The following NEXN variants were observed in gnomAD, a reference collection of about 807,000 sequenced individuals.
NEXN encodes the protein nexilin F-actin binding protein, also known as nexilin.
A neutral mutation model predicts 92.6 loss-of-function variants in NEXN; 65 were observed. The ratio of observed to expected loss-of-function variants is 0.70; its 90% confidence interval spans 0.57 to 0.86. NEXN has a LOEUF of 0.86. NEXN is among the 40% of genes least tolerant of loss of function. The probability of loss-of-function intolerance (pLI) is 0.00; values close to 1 mark genes in which losing one functional copy is unlikely to be tolerated. For synonymous variants in NEXN, 254 were observed against 242.5 expected, an observed-to-expected ratio of 1.05 and a Z score of -0.44; for missense variants, 778 against 771.1, an observed-to-expected ratio of 1.01 and a Z score of -0.11.
Position 77,942,572 on chromosome 1 carries a change from A to T in NEXN, c.1771A>T (p.Thr591Ser), listed in dbSNP as rs369019618. The stretch of plus-strand genomic sequence containing the variant: ...ATGGTTCAAGAAGCCTCTTAAAAAC[A>T]CATCAGTTGTAGACAGTGAGCCAGT... ...APWFKKPLKNTSVVDSEPVRF... is the reference protein window; with the variant it reads ...APWFKKPLKNSSVVDSEPVRF... The change falls in exon 13 of 13, where the codon ACA (threonine) becomes TCA (serine). Residue 591 changes from threonine to serine, a missense_variant. Around this residue, in one of 3 missense-constraint regions of NEXN, gnomAD observed 532 missense variants for 476.7 expected, o/e 1.12. Coordinates refer to ENST00000334785, the MANE Select transcript of NEXN (RefSeq NM_144573.4). The T allele has an allele frequency of 6.2e-7, 1 of 1,613,840 alleles. No individual in the cohort carries two copies. The highest frequency in any genetic ancestry group is 2.2e-5 in the East Asian group (1 of 44,864).
chr1:77,924,015 C>A (rs560931228), intron 5 of NEXN, among the ~76,000 whole-genome samples: 1 of 152,160 alleles, frequency 6.6e-6, no homozygotes, highest in East Asian at 1.9e-4. Context: ...CCTACTTAGA[C>A]CTCGTCAAAA....
intron 8 of NEXN, among the ~76,000 whole-genome samples, chr1:77,928,637 T>C (rs1650051575): frequency 6.6e-6 from 1 of 152,002 alleles, no homozygotes; most frequent in African/African-American, 2.4e-5. Context: ...GATAATAATC[T>C]TTTATCTGAT....
chr1:77,928,613 A>G (rs1248629241), intron 8 of NEXN, among the ~76,000 whole-genome samples: 1 of 152,036 alleles, frequency 6.6e-6, no homozygotes, highest in Non-Finnish European at 1.5e-5. Flanking sequence ...GGAATTTTAC[A>G]TAAAATAGTT....
intron 11 of NEXN, 83 bp from the exon 12 acceptor site, chr1:77,941,940 G>A: frequency 7.5e-7 from 1 of 1,328,776 alleles, no homozygotes; most frequent in Non-Finnish European, 1.1e-6. Flanking sequence ...ATCATTTTGT[G>A]CTTCTAAACA....
chr1:77,902,050 GTTA>G (rs1406372686), intron 1 of NEXN, among the ~76,000 whole-genome samples: 1 of 151,794 alleles, frequency 6.6e-6, no homozygotes, highest in Non-Finnish European at 1.5e-5. Context: ...TATCCTATTC[GTTA>G]TTATTTATGT....
intron 4 of NEXN, 37 bp from the exon 5 acceptor site, chr1:77,918,088 T>A: frequency 6.2e-7 from 1 of 1,612,774 alleles, no homozygotes; most frequent in Non-Finnish European, 8.5e-7. Flanking sequence ...AATAGAAACA[T>A]AACCAAGTAT....
At chr1:77,912,314 G>A (rs1447714701) in intron 1 of NEXN, among the ~76,000 whole-genome samples, 1 of 152,080 alleles carries the variant, frequency 6.6e-6, no homozygotes, top group African/African-American at 2.4e-5. Flanking sequence ...TATATAATGG[G>A]GGGGACATAC....
At chr1:77,903,486 A>G (rs901457620) in intron 1 of NEXN, among the ~76,000 whole-genome samples, 1 of 152,170 alleles carries the variant, frequency 6.6e-6, no homozygotes, top group African/African-American at 2.4e-5. Context: ...TTCCGAAGAA[A>G]AGAAAACCAG....
chr1:77,915,927 C>T lies in NEXN; in HGVS notation c.-52-128C>T, dbSNP rs1268123011. Reference sequence around the variant, plus strand: ...TGGGAAAAAGAGCTAAAGGTTATCACAATTTATTACTTGCTTGAATCATGT... The same window carrying T: ...TGGGAAAAAGAGCTAAAGGTTATCATAATTTATTACTTGCTTGAATCATGT... On this transcript the variant is annotated intron_variant, in intron 1 of 12. Coordinates refer to ENST00000334785, the MANE Select transcript of NEXN (RefSeq NM_144573.4). 3 of 243,946 alleles carry T rather than the reference C, an allele frequency of 1.2e-5. 1 individual carries two copies. The highest frequency in any genetic ancestry group is 2.4e-5 in the Non-Finnish European group (3 of 126,490). The allele number at this position is 243,946 out of a possible 1,614,324, so 15.1% of individuals were successfully genotyped here.
chr1:77,890,184 C>A (rs997712167), intron 1 of NEXN, among the ~76,000 whole-genome samples: 48 of 151,986 alleles, frequency 3.2e-4, no homozygotes, highest in African/African-American at 1.2e-3. Context: ...CAATTAACAC[C>A]GTATTTTTGC....
chr1:77,912,067 A>C (rs1320847383), intron 1 of NEXN, among the ~76,000 whole-genome samples: 1 of 150,414 alleles, frequency 6.6e-6, no homozygotes, highest in Non-Finnish European at 1.5e-5. Context: ...CGACAGAGTG[A>C]GACTCTGTCT....
chr1:77,903,242 GA>G (rs1647857811), intron 1 of NEXN, among the ~76,000 whole-genome samples: 1 of 151,676 alleles, frequency 6.6e-6, no homozygotes, highest in African/African-American at 2.4e-5. Context: ...AAAAAAGAGA[GA>G]AATCAGAACA....
intron 5 of NEXN, among the ~76,000 whole-genome samples, chr1:77,923,003 C>CTTTTT (rs753111389): frequency 1.8e-5 from 2 of 112,386 alleles, no homozygotes; most frequent in African/African-American, 3.3e-5. Flanking sequence ...AATTGGGTGT[C>CTTTTT]TTTTTTTTTT....
intron 1 of NEXN, among the ~76,000 whole-genome samples, chr1:77,900,449 T>A (rs111880492): frequency 2.6e-5 from 4 of 152,190 alleles, no homozygotes; most frequent in African/African-American, 9.6e-5. Flanking sequence ...GCTATTTGAT[T>A]CACAAGGGCT....
intron 11 of NEXN, chr1:77,941,678 G>A (rs933416863): frequency 1.9e-5 from 6 of 320,928 alleles, no homozygotes. Context: ...CAGGAATCAA[G>A]GGAGTACTTT....
chr1:77,900,657 G>A (rs919375813), intron 1 of NEXN, among the ~76,000 whole-genome samples: 2 of 152,080 alleles, frequency 1.3e-5, no homozygotes, highest in Non-Finnish European at 2.9e-5. Flanking sequence ...ATACATATTC[G>A]TCTTCATTTA....
At chr1:77,932,823 TC>T (rs1193553160) in intron 9 of NEXN, among the ~76,000 whole-genome samples, 1 of 152,254 alleles carries the variant, frequency 6.6e-6, no homozygotes, top group Non-Finnish European at 1.5e-5. Context: ...TGTTGAGACT[TC>T]CTTGTTTACT....
At position 77,942,084 on chromosome 1, in the gene NEXN, A is replaced by G. The variant is rs775488884; in HGVS notation, c.1535A>G (p.Asn512Ser). 2.5e-6 allele frequency: 4 copies of G among 1,613,760 alleles called. No individual in the cohort carries two copies. Among genetic ancestry groups the G allele is most frequent in the South Asian group, 2.2e-5 (2 of 91,056 alleles). The change falls in exon 12 of 13, where the codon AAT (asparagine) becomes AGT (serine). Residue 512 changes from asparagine to serine, a missense_variant. Asn to Ser is a conservative substitution (Grantham distance 46, BLOSUM62 1). Coordinates refer to ENST00000334785, the MANE Select transcript of NEXN (RefSeq NM_144573.4). The part of the protein sequence containing the change: ...KSEAPFTHKV[N>S]MKARFEQMAK... ...GAGGCTCCATTTACTCACAAAGTGA[A>G]TATGAAAGCTAGATTTGAACAAATG...
intron 1 of NEXN, among the ~76,000 whole-genome samples, chr1:77,906,767 G>A (rs547119708): frequency 2.0e-4 from 30 of 152,040 alleles, no homozygotes; most frequent in African/African-American, 6.8e-4. Flanking sequence ...TGATCCTCTT[G>A]CCTCAGCCTC....
Sources: allele counts gnomAD v4.1 joint callset (sites outside exome capture counted in the v4.1 genomes callset), GRCh38; gene constraint gnomAD v4.1.1; regional missense constraint gnomAD v4.1.1; transcripts MANE v1.5; gene names NCBI Gene and HGNC (gene_info 2026-07-23, HGNC 2026-07-21).